GPR137B: variants seen among roughly 807,000 people sequenced by gnomAD.
The protein encoded by GPR137B is G protein-coupled receptor 137B, also known as integral membrane protein GPR137B.
In GPR137B, 42 loss-of-function variants were observed where a neutral mutation model predicts 42.5. The observed-to-expected ratio is 0.99, with a 90% CI of 0.77 to 1.28. The LOEUF is 1.28. Ranked by LOEUF, GPR137B falls within the 50% of genes most tolerant of loss-of-function variation. The pLI is 0.00. For missense variants in GPR137B, 487 were observed against 493.9 expected (o/e 0.99, Z 0.13); for synonymous variants, 218 against 209.7 (o/e 1.04, Z -0.34).
At chr1:236,197,295 T>C (rs1016518805) in intron 5 of GPR137B, among the ~76,000 whole-genome samples, 1 of 152,208 alleles carries the variant, frequency 6.6e-6, no homozygotes, top group South Asian at 2.1e-4. Context: ...AGTCCATTGC[T>C]GGATGCATAG....
chr1:236,179,881 C>G lies in GPR137B; in HGVS notation c.690C>G (p.Gly230=), dbSNP rs771508073. Residue 230 remains glycine, a splice_region_variant and synonymous_variant, in exon 4 of 7, where the codon GGC becomes GGG. Transcript: ENST00000366592. Reference sequence around the variant, plus strand: ...ACCTTCTGCTCCCTCTTTTCCAGGGCTCCTCCGTGTGTCAAGTGACTGCCA... The same window carrying G: ...ACCTTCTGCTCCCTCTTTTCCAGGGGTCCTCCGTGTGTCAAGTGACTGCCA... ...SLANIYLESK[G]SSVCQVTAIG... The G allele has an allele frequency of 6.4e-7, 1 of 1,574,384 alleles. No individual in the cohort carries two copies. Among genetic ancestry groups the G allele is most frequent in the Non-Finnish European group, 8.6e-7 (1 of 1,160,842 alleles).
intron 1 of GPR137B, among the ~76,000 whole-genome samples, chr1:236,143,580 C>T (rs1661597952): frequency 6.6e-6 from 1 of 152,132 alleles, no homozygotes; most frequent in Non-Finnish European, 1.5e-5. Context: ...TACAGAACTG[C>T]GGCTTACTAA....
At chr1:236,157,025 C>G (rs762315036) in intron 1 of GPR137B, among the ~76,000 whole-genome samples, 1 of 152,132 alleles carries the variant, frequency 6.6e-6, no homozygotes, top group Non-Finnish European at 1.5e-5. Context: ...ACTTACTAGG[C>G]GGCAGGCATT....
chr1:236,187,903 C>T (rs962006034), intron 5 of GPR137B, among the ~76,000 whole-genome samples: 2 of 152,148 alleles, frequency 1.3e-5, no homozygotes, highest in African/African-American at 4.8e-5. Context: ...AGCATTGAAT[C>T]TGTAAATTAC....
chr1:236,177,787 C>G (rs1003251503), intron 2 of GPR137B, among the ~76,000 whole-genome samples: 2 of 151,910 alleles, frequency 1.3e-5, no homozygotes, highest in Non-Finnish European at 2.9e-5. Flanking sequence ...AACTCCTGAC[C>G]TCAAGCTATC....
intron 5 of GPR137B, among the ~76,000 whole-genome samples, chr1:236,186,068 T>C (rs1039031026): frequency 1.1e-4 from 17 of 150,810 alleles, no homozygotes; most frequent in African/African-American, 4.2e-4. Flanking sequence ...CAGAATGTTT[T>C]TTCAAGATTC....
chr1:236,147,092 A>T (rs933929482), intron 1 of GPR137B, among the ~76,000 whole-genome samples: 2 of 152,210 alleles, frequency 1.3e-5, no homozygotes, highest in African/African-American at 4.8e-5. Context: ...TGCAGGCGTG[A>T]GCCACTGTGC....
Position 236,179,859 on chromosome 1 carries a change from T to G in GPR137B, c.688-20T>G. ...TCTTGGACCTGGAGTGTCCCATACC[T>G]TCTGCTCCCTCTTTTCCAGGGCTCC... On this transcript the variant is annotated intron_variant, in intron 3 of 6. Coordinates refer to ENST00000366592, the MANE Select transcript of GPR137B (RefSeq NM_003272.4). 1 of 1,558,178 alleles carries G rather than the reference T, an allele frequency of 6.4e-7. No homozygotes were observed. Among genetic ancestry groups the G allele is most frequent in the South Asian group, 1.3e-5 (1 of 79,854 alleles).
intron 4 of GPR137B, among the ~76,000 whole-genome samples, chr1:236,182,276 A>C (rs1301799328): frequency 2.6e-5 from 4 of 152,064 alleles, no homozygotes; most frequent in Non-Finnish European, 5.9e-5. Flanking sequence ...CCATCTCTAG[A>C]ATTTTTTCAT....
rs59250666 is a variant in GPR137B, at chr1:236,151,464, G to A, written c.414+8428G>A. On this transcript the variant is annotated intron_variant, in intron 1 of 6. Coordinates refer to ENST00000366592, the MANE Select transcript of GPR137B (RefSeq NM_003272.4). ...TTTTGAGACAGAGTCTTGCTCTGTC[G>A]CCAAGCTGGAGTGCAGTGGCGCAAT... Among the ~76,000 whole-genome samples, 9 of 126,184 alleles carry A rather than the reference G, an allele frequency of 7.1e-5. 1 individual carries two copies. The South Asian group carries it at 1.0e-3, about 14-fold the overall frequency. 82.8% of individuals were successfully genotyped at this position (126,184 alleles called of 152,430 possible). A position where few individuals can be genotyped will look rare whatever the true frequency, so the allele number is the denominator to read the frequency against.
At chr1:236,149,478 G>A (rs1188923276) in intron 1 of GPR137B, among the ~76,000 whole-genome samples, 1 of 152,216 alleles carries the variant, frequency 6.6e-6, no homozygotes, top group Non-Finnish European at 1.5e-5. Flanking sequence ...AGGGAACTAA[G>A]AGGCCCCTAA....
chr1:236,147,806 G>A (rs1347443759), intron 1 of GPR137B, among the ~76,000 whole-genome samples: 1 of 152,202 alleles, frequency 6.6e-6, no homozygotes, highest in Non-Finnish European at 1.5e-5. Context: ...GGGGTGAGGT[G>A]CCCTGCTGGT....
intron 1 of GPR137B, among the ~76,000 whole-genome samples, chr1:236,163,947 C>T (rs1020101343): frequency 2.6e-5 from 4 of 151,724 alleles, no homozygotes; most frequent in African/African-American, 9.7e-5. Context: ...CTCCCATCTC[C>T]TCCCACCTCC....
In GPR137B at chr1:236,208,694, A is replaced by G; in HGVS notation, c.*536A>G. The G allele has an allele frequency of 1.0e-6, 1 of 985,536 alleles. No individual in the cohort carries two copies. The highest frequency in any genetic ancestry group is 1.2e-6 in the Non-Finnish European group (1 of 829,688). 61.0% of individuals were successfully genotyped at this position (985,536 alleles called of 1,614,324 possible). ...GCCAATTGCAACTCCAGTGTTGATAATTAAAATGAAATGGTAAAGCAGCAG... is the reference window on the plus strand; with the variant it reads ...GCCAATTGCAACTCCAGTGTTGATAGTTAAAATGAAATGGTAAAGCAGCAG... On this transcript the variant is annotated 3_prime_UTR_variant, in exon 7 of 7. Transcript: ENST00000366592.
At chr1:236,152,349 C>A (rs932949334) in intron 1 of GPR137B, among the ~76,000 whole-genome samples, 69 of 152,170 alleles carry the variant, frequency 4.5e-4, no homozygotes, top group African/African-American at 1.5e-3. Context: ...GTAATCCCAG[C>A]TACTCAAGAG....
chr1:236,192,529 T>G (rs915233355), intron 5 of GPR137B, among the ~76,000 whole-genome samples: 9 of 152,134 alleles, frequency 5.9e-5, no homozygotes, highest in African/African-American at 1.9e-4. Flanking sequence ...AAAAGTGCAG[T>G]ATCTGGGCCG....
At chr1:236,165,625 C>G (rs1306626292) in intron 1 of GPR137B, among the ~76,000 whole-genome samples, 1 of 152,196 alleles carries the variant, frequency 6.6e-6, no homozygotes, top group Non-Finnish European at 1.5e-5. Context: ...TCTGTTCATA[C>G]TTGGTTCCAT....
chr1:236,182,030 A>C (rs985679698), intron 4 of GPR137B, among the ~76,000 whole-genome samples: 1 of 151,738 alleles, frequency 6.6e-6, no homozygotes, highest in Non-Finnish European at 1.5e-5. Context: ...GTAGCTGGGA[A>C]TACAGGCAAG....
intron 4 of GPR137B, among the ~76,000 whole-genome samples, chr1:236,180,887 G>C (rs1404151885): frequency 6.6e-6 from 1 of 152,078 alleles, no homozygotes; most frequent in East Asian, 1.9e-4. Context: ...ACAGTGCTAG[G>C]ATTACAGGCG....
Sources: allele counts gnomAD v4.1 joint callset (sites outside exome capture counted in the v4.1 genomes callset), GRCh38; gene constraint gnomAD v4.1.1; transcripts MANE v1.5; gene names NCBI Gene and HGNC (gene_info 2026-07-23, HGNC 2026-07-21).